The following MSR1 variants were observed in gnomAD, a reference collection of about 807,000 sequenced individuals.
MSR1 encodes the protein macrophage scavenger receptor types I and II.
MSR1 carries 53 observed loss-of-function variants against 47.2 expected under a neutral mutation model. That is an observed-to-expected ratio of 1.12 (90% CI 0.90 to 1.41). The LOEUF is 1.41. Among genes scored for constraint, MSR1 ranks in the 40% most tolerant of loss-of-function variants. The pLI is 0.00. For missense variants in MSR1, 786 were observed against 546.9 expected, an observed-to-expected ratio of 1.44 and a Z score of -4.36; for synonymous variants, 239 against 185.6, an observed-to-expected ratio of 1.29 and a Z score of -2.34.
At chr8:16,192,390 T>C (rs1802223112) in intron 1 of MSR1, among the ~76,000 whole-genome samples, 1 of 152,042 alleles carries the variant, frequency 6.6e-6, no homozygotes, top group African/African-American at 2.4e-5. Context: ...TCATGGAAAA[T>C]TTAGCAGAAA....
At chr8:16,113,838 G>T (rs899653887) in intron 9 of MSR1, among the ~76,000 whole-genome samples, 2 of 152,088 alleles carry the variant, frequency 1.3e-5, no homozygotes, top group Non-Finnish European at 2.9e-5. Flanking sequence ...GGTGGAGAAA[G>T]CATGGTATGA....
At chr8:16,182,941 C>T (rs940231274) in intron 1 of MSR1, among the ~76,000 whole-genome samples, 1 of 152,104 alleles carries the variant, frequency 6.6e-6, no homozygotes, top group African/African-American at 2.4e-5. Flanking sequence ...TTTTAAATGA[C>T]TGGCAGAGCA....
chr8:16,150,475 T>C (rs1195668015), intron 6 of MSR1, among the ~76,000 whole-genome samples, 164 bp from the exon 7 acceptor site: 1 of 151,918 alleles, frequency 6.6e-6, no homozygotes, highest in Non-Finnish European at 1.5e-5. Context: ...TGAAAAACAA[T>C]AGAAGCGATA....
chr8:16,188,997 T>A (rs202207377), intron 1 of MSR1, among the ~76,000 whole-genome samples: 40 of 127,410 alleles, frequency 3.1e-4, no homozygotes, highest in African/African-American at 5.5e-4. Context: ...TATATATATA[T>A]AAAACAACAT....
At chr8:16,183,197 G>C (rs1486169201) in intron 1 of MSR1, among the ~76,000 whole-genome samples, 3 of 152,054 alleles carry the variant, frequency 2.0e-5, no homozygotes, top group South Asian at 2.1e-4. Flanking sequence ...TTATGGCTTT[G>C]ATCCTCACAT....
chr8:16,187,736 C>T (rs796298947), intron 1 of MSR1, among the ~76,000 whole-genome samples: 20 of 152,190 alleles, frequency 1.3e-4, no homozygotes, highest in African/African-American at 4.8e-4. Flanking sequence ...CTTTGTGGTT[C>T]ACTAAAGTAG....
At chr8:16,114,763 A>C (rs1239890584) in intron 9 of MSR1, among the ~76,000 whole-genome samples, 1 of 152,190 alleles carries the variant, frequency 6.6e-6, no homozygotes, top group Admixed American at 6.5e-5. Flanking sequence ...AATTGTTCTT[A>C]AAACTAAGGA....
rs866991552 is a variant in MSR1 at position 16,168,871 on chromosome 8, C to G, written c.218-1G>C. The G allele has an allele frequency of 6.2e-7, 1 of 1,611,758 alleles. No homozygotes were observed. The highest frequency in any genetic ancestry group is 2.2e-5 in the East Asian group (1 of 44,856). ...TTCGTTTCCCACTTCAGGAGTTGAGCTGTATATTTAAGTAAAAATAAACCA... is the reference window on the plus strand; with the variant it reads ...TTCGTTTCCCACTTCAGGAGTTGAGGTGTATATTTAAGTAAAAATAAACCA... On this transcript the variant is annotated splice_acceptor_variant, in intron 3 of 9. Coordinates refer to ENST00000262101, the MANE Select transcript of MSR1 (RefSeq NM_138715.3). LOFTEE classifies it high-confidence loss of function.
At chr8:16,123,195 T>C (rs1800046368) in intron 8 of MSR1, among the ~76,000 whole-genome samples, 1 of 152,092 alleles carries the variant, frequency 6.6e-6, no homozygotes, top group Non-Finnish European at 1.5e-5. Context: ...CTGATCCATA[T>C]CTGTCACCTG....
At chr8:16,190,723 C>CTTTTTTTTTT (rs772816603) in intron 1 of MSR1, among the ~76,000 whole-genome samples, 68 of 145,312 alleles carry the variant, frequency 4.7e-4, no homozygotes, top group African/African-American at 1.0e-3. Context: ...TTTTTTCTTT[C>CTTTTTTTTTT]TTTCTTTTTG....
At chr8:16,171,468 C>A (rs1437607303) in intron 3 of MSR1, among the ~76,000 whole-genome samples, 1 of 152,012 alleles carries the variant, frequency 6.6e-6, no homozygotes, top group Non-Finnish European at 1.5e-5. Context: ...CATGTCTTAA[C>A]GTATCAATAC....
At chr8:16,119,870 C>CTTTTTT (rs35520763) in intron 9 of MSR1, among the ~76,000 whole-genome samples, 3 of 95,678 alleles carry the variant, frequency 3.1e-5, no homozygotes, top group African/African-American at 1.2e-4. Context: ...TCACGCCTGG[C>CTTTTTT]TTTTTTTTTT....
At chr8:16,136,191 G>C (rs1800385960) in intron 8 of MSR1, among the ~76,000 whole-genome samples, 1 of 152,146 alleles carries the variant, frequency 6.6e-6, no homozygotes, top group Non-Finnish European at 1.5e-5. Context: ...GCATGCAGCA[G>C]AGAAATCTCT....
At chr8:16,192,210 C>T (rs769479872) in intron 1 of MSR1, among the ~76,000 whole-genome samples, 5 of 151,944 alleles carry the variant, frequency 3.3e-5, no homozygotes, top group Non-Finnish European at 7.4e-5. Context: ...AAAAATGTTC[C>T]ATGAAAAGTT....
chr8:16,148,725 G>A (rs947740158), intron 7 of MSR1, among the ~76,000 whole-genome samples: 5 of 150,798 alleles, frequency 3.3e-5, no homozygotes, highest in Non-Finnish European at 7.4e-5. Flanking sequence ...CTCCAAAAGT[G>A]CTACGATTAC....
chr8:16,110,638 A>G (rs7015682), intron 9 of MSR1, among the ~76,000 whole-genome samples: 13,841 of 152,204 alleles, frequency 0.091, 834 homozygotes, highest in African/African-American at 0.16. Flanking sequence ...TTGCACATAA[A>G]ATAAACCGGA....
chr8:16,122,921 T>C (rs570626013), intron 8 of MSR1, among the ~76,000 whole-genome samples: 1 of 144,716 alleles, frequency 6.9e-6, no homozygotes, highest in East Asian at 2.1e-4. Flanking sequence ...CTCGGCTCAC[T>C]GCAAGCTCCA....
chr8:16,164,247 A>T lies in MSR1; in HGVS notation c.635T>A (p.Ile212Asn). The T allele has an allele frequency of 1.2e-6, 2 of 1,610,814 alleles. No homozygotes were observed. Among genetic ancestry groups the T allele is most frequent in the Non-Finnish European group, 1.7e-6 (2 of 1,177,978 alleles). The change falls in exon 5 of 10, where the codon ATC (isoleucine) becomes AAC (asparagine). Residue 212 changes from isoleucine (I) to asparagine (N), a missense_variant. Ile to Asn is a moderately radical substitution (Grantham distance 149). Transcript: ENST00000262101. Reference protein sequence around the residue: ...QENTFKQQEEISKLEERVYNV... With the variant: ...QENTFKQQEENSKLEERVYNV... ...GTAAACACGCTCCTCTAATTTACTG[A>T]TTTCCTGTAAAACATAAGTGAGCAT...
At chr8:16,191,200 T>G (rs1023483124) in intron 1 of MSR1, among the ~76,000 whole-genome samples, 3 of 152,204 alleles carry the variant, frequency 2.0e-5, no homozygotes, top group African/African-American at 7.2e-5. Flanking sequence ...AAGGAACCCG[T>G]CTGTAAGACA....
Sources: gnomAD v4.1 joint callset for allele counts (sites outside exome capture counted in the v4.1 genomes callset) on GRCh38, gnomAD v4.1.1 for gene constraint, MANE v1.5 for transcripts, NCBI Gene and HGNC (gene_info 2026-07-23, HGNC 2026-07-21) for gene names.